Variants in PCDH9 observed in about 807,000 individuals in gnomAD.
PCDH9 encodes the protein protocadherin-9.
PCDH9 carries 24 observed loss-of-function variants against 70.6 expected under a neutral mutation model. The ratio of observed to expected loss-of-function variants is 0.34; its 90% CI spans 0.25 to 0.48. PCDH9 has a LOEUF of 0.48. Ranked by LOEUF, PCDH9 falls within the 20% of genes least tolerant of loss-of-function variation. PCDH9 has a pLI of 0.99. For synonymous variants in PCDH9, 562 were observed against 558.5 expected (o/e 1.01, Z -0.09); for missense variants, 1,281 against 1,503.6 (o/e 0.85, Z 2.45).
chr13:66,933,942 C>A (rs1359954357), intron 2 of PCDH9, among the ~76,000 whole-genome samples: 1 of 148,594 alleles, frequency 6.7e-6, no homozygotes, highest in African/African-American at 2.5e-5. Context: ...CATTGAGTTC[C>A]AACTAAAAGA....
At chr13:66,422,863 C>T (rs1276946423) in intron 4 of PCDH9, among the ~76,000 whole-genome samples, 2 of 151,980 alleles carry the variant, frequency 1.3e-5, no homozygotes, top group Non-Finnish European at 2.9e-5. Context: ...ATCAATGAAT[C>T]CAGGAGCTGG....
chr13:67,225,292 T>A (rs2089827740), intron 2 of PCDH9, 113 bp downstream of exon 2: 1 of 1,310,312 alleles, frequency 7.6e-7, no homozygotes, highest in South Asian at 1.4e-5. Context: ...TTTTTTTACC[T>A]CTTTCTAACT....
intron 2 of PCDH9, among the ~76,000 whole-genome samples, chr13:67,030,575 A>G (rs2084885437): frequency 6.6e-6 from 1 of 152,012 alleles, no homozygotes; most frequent in Non-Finnish European, 1.5e-5. Flanking sequence ...GTTCTAGGTA[A>G]TGGATATCCT....
At chr13:67,062,961 G>C (rs2085568024) in intron 2 of PCDH9, among the ~76,000 whole-genome samples, 1 of 152,128 alleles carries the variant, frequency 6.6e-6, no homozygotes, top group South Asian at 2.1e-4. Context: ...CAGAGCCTAA[G>C]AGGTGAAATT....
chr13:66,436,854 C>T (rs984752287), intron 4 of PCDH9, among the ~76,000 whole-genome samples: 1 of 150,652 alleles, frequency 6.6e-6, no homozygotes, highest in African/African-American at 2.5e-5. Flanking sequence ...AGTAGTGTGC[C>T]AAGTTTTTTT....
chr13:66,463,029 C>T (rs559217384), intron 4 of PCDH9, among the ~76,000 whole-genome samples: 1 of 151,870 alleles, frequency 6.6e-6, no homozygotes, highest in South Asian at 2.1e-4. Flanking sequence ...ATGATGTGTG[C>T]CTAACCCAAC....
intron 3 of PCDH9, among the ~76,000 whole-genome samples, chr13:66,692,495 T>C (rs181381013): frequency 3.9e-4 from 60 of 152,142 alleles, no homozygotes; most frequent in African/African-American, 1.3e-3. Context: ...GAAAATAATG[T>C]TCTGAAATAT....
At chr13:66,639,837 C>G (rs2077686069) in intron 3 of PCDH9, among the ~76,000 whole-genome samples, 1 of 152,124 alleles carries the variant, frequency 6.6e-6, no homozygotes, top group South Asian at 2.1e-4. Flanking sequence ...TTCCTGCTAT[C>G]AGAAAAGTCC....
chr13:67,191,740 G>A lies in PCDH9; in HGVS notation c.3036+33665C>T, dbSNP rs563332598. Among the ~76,000 whole-genome samples, 3 of 152,078 alleles carry A rather than the reference G, an allele frequency of 2.0e-5. No homozygotes were observed. In the East Asian group the frequency reaches 5.8e-4, roughly 29 times the overall value. On this transcript the variant is annotated intron_variant, in intron 2 of 4. Coordinates refer to ENST00000377865, the MANE Select transcript of PCDH9 (RefSeq NM_203487.3). ...TAACGCCATTCTCTCTTCTCTACCT[G>A]CCCTGTCTCCGGCCCCTCCCAAGAG...
intron 3 of PCDH9, among the ~76,000 whole-genome samples, chr13:66,645,860 G>A (rs567300643): frequency 2.6e-5 from 4 of 152,238 alleles, no homozygotes; most frequent in African/African-American, 9.6e-5. Context: ...GTATTATGAA[G>A]AAGAAATTCA....
chr13:66,863,554 A>C (rs1372190104), intron 3 of PCDH9, among the ~76,000 whole-genome samples: 2 of 152,024 alleles, frequency 1.3e-5, no homozygotes, highest in African/African-American at 4.8e-5. Flanking sequence ...GGCAGGATCT[A>C]GGCTCACTGC....
At position 66,467,388 on chromosome 13, in the gene PCDH9, G is replaced by C. The variant is rs977081590; in HGVS notation, c.3341-162360C>G. On this transcript the variant is annotated intron_variant, in intron 4 of 4. Transcript: ENST00000377865. ...GGAGAAAGCCTCCATGCATAGTCAG[G>C]TACCTATGTCTACTCACTAGAAATT... 5.3e-5 allele frequency among the ~76,000 whole-genome samples: 8 copies of C among 151,920 alleles called. No homozygotes were observed. The South Asian group carries it at 1.7e-3, about 32-fold the overall frequency.
chr13:66,921,827 A>C (rs1424964672), intron 2 of PCDH9, among the ~76,000 whole-genome samples: 1 of 151,370 alleles, frequency 6.6e-6, no homozygotes, highest in Admixed American at 6.6e-5. Context: ...TAAATATACA[A>C]AACGATTCTA....
In PCDH9 at chr13:67,045,183, T is replaced by C. The variant is rs118135490; in HGVS notation, c.3037-141578A>G. On this transcript the variant is annotated intron_variant, in intron 2 of 4. Coordinates refer to ENST00000377865, the MANE Select transcript of PCDH9 (RefSeq NM_203487.3). ...AACACAACCCTTTACCCAGCATCCT[T>C]ATGTCATGGCCTATCACCAACTGTA... Among the ~76,000 whole-genome samples, 443 of 152,172 alleles carry C rather than the reference T, an allele frequency of 2.9e-3. 2 individuals carry two copies. The highest frequency in any genetic ancestry group is 4.9e-3 in the Non-Finnish European group (335 of 67,988).
chr13:66,637,383 C>T lies in PCDH9; in HGVS notation c.3139-5972G>A, dbSNP rs542730901. Among the ~76,000 whole-genome samples the T allele has an allele frequency of 1.3e-4, 20 of 152,204 alleles. 1 individual carries two copies. The South Asian group carries it at 3.9e-3, about 30-fold the overall frequency. On this transcript the variant is annotated intron_variant, in intron 3 of 4. Transcript: ENST00000377865. ...TATGATTTATGGAAATTACTAGTAC[C>T]TATGTGTGTTCATTCTCAAGAATAA...
chr13:66,731,973 A>G (rs991220416), intron 3 of PCDH9, among the ~76,000 whole-genome samples: 2 of 152,062 alleles, frequency 1.3e-5, no homozygotes, highest in African/African-American at 4.8e-5. Context: ...GAAGGCTATA[A>G]GCAAGAGTAC....
intron 4 of PCDH9, among the ~76,000 whole-genome samples, chr13:66,561,074 C>G (rs185164237): frequency 6.6e-6 from 1 of 152,212 alleles, no homozygotes; most frequent in Non-Finnish European, 1.5e-5. Flanking sequence ...GGGAGAAGCG[C>G]GGGCGGGAAC....
chr13:66,847,693 C>A (rs527936425), intron 3 of PCDH9, among the ~76,000 whole-genome samples: 1 of 152,086 alleles, frequency 6.6e-6, no homozygotes, highest in African/African-American at 2.4e-5. Context: ...GCTTTGGGGG[C>A]CATTATTCAG....
chr13:66,876,429 G>A (rs927222293), intron 3 of PCDH9, among the ~76,000 whole-genome samples: 1 of 152,016 alleles, frequency 6.6e-6, no homozygotes, highest in African/African-American at 2.4e-5. Context: ...GTTTCACATT[G>A]TTAATTCAAA....
Sources: gnomAD v4.1 joint callset for allele counts (sites outside exome capture counted in the v4.1 genomes callset) on GRCh38, gnomAD v4.1.1 for gene constraint, MANE v1.5 for transcripts, NCBI Gene and HGNC (gene_info 2026-07-23, HGNC 2026-07-21) for gene names.